YBX1: variants seen among roughly 807,000 people sequenced by gnomAD.
YBX1 encodes Y-box-binding protein 1.
A neutral mutation model predicts 41.4 loss-of-function variants in YBX1; 3 were observed. That is an observed-to-expected ratio of 0.07 (90% CI 0.03 to 0.19). YBX1 has a LOEUF of 0.19. Among genes scored for constraint, YBX1 ranks in the 10% least tolerant of loss-of-function variants. The pLI, the probability that YBX1 is intolerant of heterozygous loss-of-function variation, is 1.00. For missense variants in YBX1, 274 were observed against 462.8 expected (o/e 0.59, Z 3.74); for synonymous variants, 133 against 165.8 (o/e 0.80, Z 1.52).
intron 2 of YBX1, among the ~76,000 whole-genome samples, chr1:42,688,366 T>C (rs1650248298): frequency 2.0e-5 from 3 of 152,330 alleles, no homozygotes; most frequent in Middle Eastern, 6.8e-3. Context: ...TACTAGTCTG[T>C]TTTATTATTT....
intron 2 of YBX1, among the ~76,000 whole-genome samples, chr1:42,693,186 T>C (rs1467297362): frequency 2.6e-5 from 4 of 152,086 alleles, no homozygotes; most frequent in African/African-American, 9.7e-5. Flanking sequence ...TAATGTTTAA[T>C]AGGATAAGGA....
At chr1:42,695,706 A>G (rs1650442401) in intron 3 of YBX1, among the ~76,000 whole-genome samples, 1 of 152,212 alleles carries the variant, frequency 6.6e-6, no homozygotes, top group Non-Finnish European at 1.5e-5. Context: ...GTATTATCAG[A>G]TTGGAAGGGA....
intron 6 of YBX1, among the ~76,000 whole-genome samples, chr1:42,700,567 T>G (rs1027218042): frequency 6.6e-6 from 1 of 150,460 alleles, no homozygotes; most frequent in Non-Finnish European, 1.5e-5. Flanking sequence ...CCATGGCACT[T>G]TAGTCTGGGC....
At chr1:42,688,860 C>G (rs182558483) in intron 2 of YBX1, among the ~76,000 whole-genome samples, 1 of 152,200 alleles carries the variant, frequency 6.6e-6, no homozygotes, top group Non-Finnish European at 1.5e-5. Context: ...TTTTCTCTTA[C>G]AACTTTCTTA....
chr1:42,700,617 C>A (rs1292939391), intron 6 of YBX1, among the ~76,000 whole-genome samples, 164 bp from the exon 7 acceptor site: 5 of 131,912 alleles, frequency 3.8e-5, no homozygotes, highest in African/African-American at 8.7e-5. Flanking sequence ...CATCCCCCCC[C>A]CCCCAAAAAA....
Position 42,696,647 on chromosome 1 carries a change from G to A in YBX1, c.360G>A (p.Ala120=), listed in dbSNP as rs189493094. The A allele has an allele frequency of 5.9e-4, 926 of 1,574,596 alleles. No homozygotes were observed. The highest frequency in any genetic ancestry group is 6.4e-4 in the Non-Finnish European group (739 of 1,156,994). ...EFDVVEGEKG[A]EAANVTGPGG... ...ATATGTAATGGCTTTTGTAGGGTGCGGAGGCAGCAAATGTTACAGGTCCTG... is the reference window on the plus strand; with the variant it reads ...ATATGTAATGGCTTTTGTAGGGTGCAGAGGCAGCAAATGTTACAGGTCCTG... Residue 120 remains alanine (A), a synonymous_variant, in exon 5 of 8, where the codon GCG becomes GCA. Coordinates refer to ENST00000321358, the MANE Select transcript of YBX1 (RefSeq NM_004559.5). The surrounding 1 kb of genome is among the most constrained non-coding windows in gnomAD (Gnocchi z 5.7).
chr1:42,683,999 C>T (rs1205045312), intron 2 of YBX1, among the ~76,000 whole-genome samples: 1 of 152,046 alleles, frequency 6.6e-6, no homozygotes, highest in African/African-American at 2.4e-5. Context: ...CAGCTTTGAC[C>T]AGAGAGAACT....
chr1:42,682,738 A>G lies in YBX1; in HGVS notation c.166+7A>G. Reference sequence around the variant, plus strand: ...GGGGACAAGAAGGTCATCGGTGAGGACCGGACAGGGACGGGGGTGGGGCCC... The same window carrying G: ...GGGGACAAGAAGGTCATCGGTGAGGGCCGGACAGGGACGGGGGTGGGGCCC... On this transcript the variant is annotated splice_region_variant and intron_variant, in intron 1 of 7. Transcript: ENST00000321358. 1 of 1,216,244 alleles carries G rather than the reference A, an allele frequency of 8.2e-7. No homozygotes were observed. Among genetic ancestry groups the G allele is most frequent in the Non-Finnish European group, 1.0e-6 (1 of 980,708 alleles). The allele number at this position is 1,216,244 out of a possible 1,614,324, so 75.3% of individuals were successfully genotyped here. A position where few individuals can be genotyped will look rare whatever the true frequency, so the allele number is the denominator to read the frequency against.
At chr1:42,690,887 C>T (rs1006918199) in intron 2 of YBX1, among the ~76,000 whole-genome samples, 3 of 152,158 alleles carry the variant, frequency 2.0e-5, no homozygotes, top group Non-Finnish European at 4.4e-5. Context: ...GATGGGGGAG[C>T]TAGAGCTTAC....
chr1:42,695,446 A>G (rs765879779), intron 3 of YBX1, among the ~76,000 whole-genome samples: 2 of 152,246 alleles, frequency 1.3e-5, no homozygotes, highest in South Asian at 2.1e-4. Flanking sequence ...GGGATTAACA[A>G]TACTTTCACA....
At position 42,696,750 on chromosome 1, in the gene YBX1, C is replaced by T. The variant is rs530843716; in HGVS notation, c.463C>T (p.Pro155Ser). ...YRRYPRRRGP[P>S]RNYQQNYQNS... The stretch of plus-strand genomic sequence containing the variant: ...ACGCTATCCACGTCGTAGGGGTCCT[C>T]CACGCAATTACCAGCAAAATTACCA... Residue 155 changes from proline to serine, a missense_variant, in exon 5 of 8, where the codon CCA (proline) becomes TCA (serine). By Grantham distance (74) the Pro-to-Ser change is moderately conservative (BLOSUM62 -1). Around this residue, in one of 3 missense-constraint regions of YBX1, gnomAD observed 187 missense variants for 306.3 expected, o/e 0.61. Transcript: ENST00000321358. This position sits in a 1 kb window ranked among gnomAD's most constrained non-coding sequence, Gnocchi z 5.7. 8.7e-6 allele frequency: 14 copies of T among 1,613,680 alleles called. No homozygotes were observed. In the African/African-American group the frequency reaches 1.2e-4, roughly 14 times the overall value.
chr1:42,698,548 G>A (rs1650516589), intron 6 of YBX1, among the ~76,000 whole-genome samples: 1 of 152,210 alleles, frequency 6.6e-6, no homozygotes, highest in Non-Finnish European at 1.5e-5. Context: ...TTGTTACACT[G>A]AAGAGCTTAA....
At chr1:42,690,638 G>A (rs1570418490) in intron 2 of YBX1, among the ~76,000 whole-genome samples, 2 of 152,304 alleles carry the variant, frequency 1.3e-5, no homozygotes, top group South Asian at 4.1e-4. Flanking sequence ...TCCAGCTTTG[G>A]AGTTCAGGGC....
chr1:42,696,514 C>CCG lies in YBX1; in HGVS notation c.355-127_355-126insGC, dbSNP rs1650462098. On this transcript the variant is annotated intron_variant, in intron 4 of 7. Coordinates refer to ENST00000321358, the MANE Select transcript of YBX1 (RefSeq NM_004559.5). The surrounding 1 kb of genome is among the most constrained non-coding windows in gnomAD (Gnocchi z 5.7). ...GCACCCCTGGTCACGCAGTTGCGCC[C>CCG]CCCCCCCCTTTTTTTTCCTTAACTT... 13 of 671,664 alleles carry CCG rather than the reference C, an allele frequency of 1.9e-5. No homozygotes were observed. Among genetic ancestry groups the CCG allele is most frequent in the Admixed American group, 1.9e-4 (6 of 31,512 alleles). 41.6% of individuals were successfully genotyped at this position (671,664 alleles called of 1,614,324 possible). A position where few individuals can be genotyped will look rare whatever the true frequency, so the allele number is the denominator to read the frequency against.
intron 1 of YBX1, chr1:42,683,007 C>T (rs1334953586): frequency 1.2e-5 from 3 of 260,450 alleles, no homozygotes; most frequent in African/African-American, 4.6e-5. Context: ...ACGGGGTCCC[C>T]TCCCCGCCGA....
In YBX1 at chr1:42,703,481, A is replaced by T. The variant is rs75330772; in HGVS notation, c.*1532A>T. On this transcript the variant is annotated 3_prime_UTR_variant, in exon 8 of 8. Coordinates refer to ENST00000321358, the MANE Select transcript of YBX1 (RefSeq NM_004559.5). Reference sequence around the variant, plus strand: ...CTTGATAAGAGACTACTCAAAAAAAATTTTTTTAACCCTACTTAGTGTAAA... The same window carrying T: ...CTTGATAAGAGACTACTCAAAAAAATTTTTTTTAACCCTACTTAGTGTAAA... Among the ~76,000 whole-genome samples the T allele has an allele frequency of 0.012, 1,800 of 151,992 alleles. 37 individuals carry two copies. The highest frequency in any genetic ancestry group is 0.04 in the African/African-American group (1,670 of 41,420).
chr1:42,693,668 A>T (rs1441667707), intron 3 of YBX1, 145 bp downstream of exon 3: 1 of 738,334 alleles, frequency 1.4e-6, no homozygotes, highest in Non-Finnish European at 2.2e-6. Flanking sequence ...AGCATGCTTA[A>T]AAATGTATAC....
intron 6 of YBX1, among the ~76,000 whole-genome samples, 169 bp from the exon 7 acceptor site, chr1:42,700,612 C>A (rs3862219): frequency 2.9e-5 from 3 of 102,878 alleles, no homozygotes; most frequent in Non-Finnish European, 4.2e-5. Context: ...CTCAGCATCC[C>A]CCCCCCCCCA....
At chr1:42,683,316 G>A (rs1373543402) in intron 1 of YBX1, 87 bp from the exon 2 acceptor site, 1 of 1,534,476 alleles carries the variant, frequency 6.5e-7, no homozygotes, top group Non-Finnish European at 9.0e-7. Flanking sequence ...GGCGGCCGGC[G>A]TGCGAGGGAC....
Sources: allele counts gnomAD v4.1 joint callset (sites outside exome capture counted in the v4.1 genomes callset), GRCh38; gene constraint gnomAD v4.1.1; regional missense constraint gnomAD v4.1.1; non-coding constraint Gnocchi (gnomAD v3.1); transcripts MANE v1.5; gene names NCBI Gene and HGNC (gene_info 2026-07-23, HGNC 2026-07-21).